The following AXDND1 variants were observed in gnomAD, a reference collection of about 807,000 sequenced individuals.
AXDND1 encodes the protein axonemal dynein light chain domain containing 1.
In AXDND1, 110 loss-of-function variants were observed where a neutral mutation model predicts 137.5. That is an observed-to-expected ratio of 0.80 (90% CI 0.69 to 0.94). The LOEUF (loss-of-function observed/expected upper bound fraction) is 0.94, where lower values mean the gene tolerates loss of function less well. Among genes scored for constraint, AXDND1 ranks in the 40% least tolerant of loss-of-function variants. AXDND1 has a pLI of 0.00. For missense variants in AXDND1, 1,191 were observed against 1,169.8 expected, an observed-to-expected ratio of 1.02 and a Z score of -0.26; for synonymous variants, 414 against 399.7, an observed-to-expected ratio of 1.04 and a Z score of -0.43.
At chr1:179,535,976 A>C (rs1338569741) in intron 25 of AXDND1, among the ~76,000 whole-genome samples, 2 of 152,232 alleles carry the variant, frequency 1.3e-5, no homozygotes, top group Admixed American at 1.3e-4. Context: ...ATGACCAGTG[A>C]TAATGAGCAT....
intron 11 of AXDND1, among the ~76,000 whole-genome samples, chr1:179,397,356 GTT>G (rs1651224726): frequency 6.6e-6 from 1 of 152,096 alleles, no homozygotes; most frequent in African/African-American, 2.4e-5. Flanking sequence ...GAGGTCCACT[GTT>G]AGTCTGATGG....
intron 4 of AXDND1, among the ~76,000 whole-genome samples, chr1:179,371,609 A>G (rs1390190050): frequency 6.6e-6 from 1 of 152,182 alleles, no homozygotes; most frequent in Non-Finnish European, 1.5e-5. Context: ...AGATATGATG[A>G]AAGTAAGGAC....
intron 24 of AXDND1, 125 bp from the exon 25 acceptor site, chr1:179,534,605 C>T (rs773843039): frequency 1.4e-5 from 17 of 1,254,242 alleles, no homozygotes; most frequent in Non-Finnish European, 1.8e-5. Context: ...GATGCTGTTG[C>T]TTCCCTTATT....
chr1:179,421,672 A>G (rs1655758677), intron 12 of AXDND1, among the ~76,000 whole-genome samples: 1 of 151,636 alleles, frequency 6.6e-6, no homozygotes, highest in African/African-American at 2.4e-5. Flanking sequence ...GTGAGCCACC[A>G]TGCCTGGACC....
rs1274457791 is a variant in AXDND1 at position 179,385,311 on chromosome 1, A to G, written c.815A>G (p.Gln272Arg). The change falls in exon 9 of 26, where the codon CAA (glutamine) becomes CGA (arginine). Residue 272 changes from glutamine to arginine, a missense_variant. Coordinates refer to ENST00000367618, the MANE Select transcript of AXDND1 (RefSeq NM_144696.6). ...ATGATATTTCATGAACTTATTCGAC[A>G]AGTCAGTGTGGACTGTGCAGACAGA... Reference protein sequence around the residue: ...YNMIFHELIRQVSVDCADRGE... With the variant: ...YNMIFHELIRRVSVDCADRGE... 1 of 1,613,946 alleles carries G rather than the reference A, an allele frequency of 6.2e-7. No homozygotes were observed. The highest frequency in any genetic ancestry group is 8.5e-7 in the Non-Finnish European group (1 of 1,179,872).
intron 12 of AXDND1, among the ~76,000 whole-genome samples, chr1:179,422,289 A>G (rs1456821753): frequency 6.6e-6 from 1 of 152,134 alleles, no homozygotes; most frequent in Non-Finnish European, 1.5e-5. Context: ...TTATCTGTTC[A>G]TACTGCTTTT....
At position 179,534,916 on chromosome 1, in the gene AXDND1, A is replaced by G. The variant is rs563514163; in HGVS notation, c.2985A>G (p.Glu995=). The G allele has an allele frequency of 1.9e-6, 3 of 1,609,428 alleles. No individual in the cohort carries two copies. The highest frequency in any genetic ancestry group is 2.2e-5 in the South Asian group (2 of 89,322). The change falls in exon 25 of 26, where the codon GAA becomes GAG. Residue 995 remains glutamate, a synonymous_variant. Coordinates refer to ENST00000367618, the MANE Select transcript of AXDND1 (RefSeq NM_144696.6). ...EVKEEEEQQE[E]EEVRSAENSS... is the part of the protein sequence containing the mutation. ...AAGAAGAAGAAGAACAACAAGAAGA[A>G]GAAGAAGTCAGGTCAGCAGAAAATT...
intron 21 of AXDND1, among the ~76,000 whole-genome samples, chr1:179,524,714 A>T (rs1472848316): frequency 6.6e-6 from 1 of 151,940 alleles, no homozygotes; most frequent in African/African-American, 2.4e-5. Context: ...CCTTCTCTTC[A>T]TTCCCGCAGC....
intron 16 of AXDND1, among the ~76,000 whole-genome samples, chr1:179,465,168 G>T (rs1173552711): frequency 6.6e-6 from 1 of 152,164 alleles, no homozygotes; most frequent in African/African-American, 2.4e-5. Flanking sequence ...TGCTGTTGAG[G>T]AGCTGTGTGC....
rs555353862 is a variant in AXDND1, at chr1:179,426,580, A to G, written c.1231-2938A>G. ...TGTACCTGTTTGATTAACCAATCAC[A>G]CAGGCAAAAAGTCATTCCATTCCTA... On this transcript the variant is annotated intron_variant, in intron 12 of 25. Transcript: ENST00000367618. 3.1e-4 allele frequency among the ~76,000 whole-genome samples: 47 copies of G among 152,356 alleles called. No homozygotes were observed. The Middle Eastern group carries it at 0.01, about 33-fold the overall frequency.
intron 16 of AXDND1, among the ~76,000 whole-genome samples, chr1:179,463,504 TC>T (rs1662668507): frequency 6.6e-6 from 1 of 152,244 alleles, no homozygotes; most frequent in Non-Finnish European, 1.5e-5. Flanking sequence ...TAATTTCTAT[TC>T]TTTTTCATTT....
chr1:179,419,281 G>A (rs1265009335), intron 12 of AXDND1, among the ~76,000 whole-genome samples: 2 of 152,026 alleles, frequency 1.3e-5, no homozygotes, highest in Non-Finnish European at 2.9e-5. Flanking sequence ...GGAGGTGGTT[G>A]TAGCGAGCCA....
intron 12 of AXDND1, among the ~76,000 whole-genome samples, chr1:179,418,977 C>G (rs954405555): frequency 3.7e-4 from 55 of 149,624 alleles, no homozygotes; most frequent in Non-Finnish European, 1.5e-4. Flanking sequence ...ACATCCCAGA[C>G]GAGGCGGCGG....
intron 16 of AXDND1, chr1:179,454,884 A>G (rs1661072909): frequency 6.6e-6 from 1 of 152,082 alleles, no homozygotes; most frequent in Admixed American, 6.5e-5. Flanking sequence ...ACCTGAGGTC[A>G]GTGGTTTGAG....
At position 179,533,790 on chromosome 1, in the gene AXDND1, G is replaced by A. The variant is rs148733582; in HGVS notation, c.2716-5G>A. Reference sequence around the variant, plus strand: ...TTCATTCATATCTCATATTTCCTCTGTCAGAGAGAGTCAGCTAAGCAAGGT... The same window carrying A: ...TTCATTCATATCTCATATTTCCTCTATCAGAGAGAGTCAGCTAAGCAAGGT... On this transcript the variant is annotated splice_region_variant and splice_polypyrimidine_tract_variant and intron_variant, in intron 23 of 25. Coordinates refer to ENST00000367618, the MANE Select transcript of AXDND1 (RefSeq NM_144696.6). 273 of 1,604,516 alleles carry A rather than the reference G, an allele frequency of 1.7e-4. No homozygotes were observed. In the African/African-American group the frequency reaches 3.2e-3, roughly 19 times the overall value.
chr1:179,518,506 C>G (rs533906753), intron 21 of AXDND1, among the ~76,000 whole-genome samples: 1 of 151,900 alleles, frequency 6.6e-6, no homozygotes, highest in South Asian at 2.1e-4. Context: ...AGCCTAGTAC[C>G]CATTAGCTGT....
intron 17 of AXDND1, among the ~76,000 whole-genome samples, chr1:179,476,835 C>G (rs919972351): frequency 6.6e-6 from 1 of 152,016 alleles, no homozygotes; most frequent in Non-Finnish European, 1.5e-5. Flanking sequence ...GTTTGTAGAC[C>G]TCTTTGTATT....
chr1:179,374,472 T>G (rs1668368659), intron 4 of AXDND1, among the ~76,000 whole-genome samples: 2 of 152,190 alleles, frequency 1.3e-5, no homozygotes, highest in Non-Finnish European at 2.9e-5. Context: ...ATCCCATTAC[T>G]GAGTATATAC....
At position 179,517,127 on chromosome 1, in the gene AXDND1, G is replaced by C. The variant is rs191759943; in HGVS notation, c.2496+7724G>C. ...TTCTTCTTGGGCAGGTCTTGCTGTGGCTGCTGTGGGGAATGGGGGTGAGTT... is the reference window on the plus strand; with the variant it reads ...TTCTTCTTGGGCAGGTCTTGCTGTGCCTGCTGTGGGGAATGGGGGTGAGTT... On this transcript the variant is annotated intron_variant, in intron 21 of 25. Coordinates refer to ENST00000367618, the MANE Select transcript of AXDND1 (RefSeq NM_144696.6). Among the ~76,000 whole-genome samples, 12 of 152,314 alleles carry C rather than the reference G, an allele frequency of 7.9e-5. No individual in the cohort carries two copies. In the East Asian group the frequency reaches 2.3e-3, roughly 29 times the overall value.
Sources: gnomAD v4.1 joint callset for allele counts (sites outside exome capture counted in the v4.1 genomes callset) on GRCh38, gnomAD v4.1.1 for gene constraint, MANE v1.5 for transcripts, NCBI Gene and HGNC (gene_info 2026-07-23, HGNC 2026-07-21) for gene names.